TNFAIP2: variants seen among roughly 807,000 people sequenced by gnomAD.
The protein encoded by TNFAIP2 is TNF alpha induced protein 2, also known as tumor necrosis factor alpha-induced protein 2.
A neutral mutation model predicts 63.5 loss-of-function variants in TNFAIP2; 47 were observed. The observed-to-expected ratio is 0.74, with a 90% CI of 0.59 to 0.94. The LOEUF (loss-of-function observed/expected upper bound fraction) is 0.94, where lower values mean the gene tolerates loss of function less well. Ranked by LOEUF, TNFAIP2 falls within the 40% of genes least tolerant of loss-of-function variation. TNFAIP2 has a pLI of 0.00. For synonymous variants in TNFAIP2, 405 were observed against 390.2 expected, an observed-to-expected ratio of 1.04 and a Z score of -0.45; for missense variants, 787 against 850.2, an observed-to-expected ratio of 0.93 and a Z score of 0.92.
chr14:103,135,602 A>AG lies in TNFAIP2; in HGVS notation c.*244dup. 1.4e-6 allele frequency: 2 copies of AG among 1,398,926 alleles called. No homozygotes were observed. The highest frequency in any genetic ancestry group is 1.9e-6 in the Non-Finnish European group (2 of 1,077,254). 86.7% of individuals were successfully genotyped at this position (1,398,926 alleles called of 1,614,324 possible). On this transcript the variant is annotated 3_prime_UTR_variant, in exon 12 of 12. Coordinates refer to ENST00000560869, the MANE Select transcript of TNFAIP2 (RefSeq NM_006291.4). This position sits in a 1 kb window ranked among gnomAD's most constrained non-coding sequence, Gnocchi z 7.6. ...CTGGGCAGCCAACCAGGCAACACCA[A>AG]GGACTCTTTGTAAACGATAGCTGAT...
Position 103,135,478 on chromosome 14 carries a change from C to G in TNFAIP2, c.*118C>G. On this transcript the variant is annotated 3_prime_UTR_variant, in exon 12 of 12. Coordinates refer to ENST00000560869, the MANE Select transcript of TNFAIP2 (RefSeq NM_006291.4). The surrounding 1 kb of genome is among the most constrained non-coding windows in gnomAD (Gnocchi z 7.6). Reference sequence around the variant, plus strand: ...CTCCCGGGTCTCCTGTGCTCTGATGCTACTTCTGCCTAGCCCTGGCGGAGG... The same window carrying G: ...CTCCCGGGTCTCCTGTGCTCTGATGGTACTTCTGCCTAGCCCTGGCGGAGG... The G allele has an allele frequency of 6.7e-7, 1 of 1,503,458 alleles. No homozygotes were observed. Among genetic ancestry groups the G allele is most frequent in the Non-Finnish European group, 8.8e-7 (1 of 1,135,770 alleles). 93.1% of individuals were successfully genotyped at this position (1,503,458 alleles called of 1,614,324 possible). A position where few individuals can be genotyped will look rare whatever the true frequency, so the allele number is the denominator to read the frequency against.
At chr14:103,122,744 C>T (rs1203745407), upstream of TNFAIP2, 1 of 455,964 alleles carries the variant, frequency 2.2e-6, no homozygotes, top group Admixed American at 2.3e-5. Flanking sequence ...GCTCCGGCAG[C>T]CTGTGGGTCC....
At chr14:103,132,959 CA>C in intron 9 of TNFAIP2, 87 bp downstream of exon 9, 1 of 1,565,284 alleles carries the variant, frequency 6.4e-7, no homozygotes, top group East Asian at 2.3e-5. Flanking sequence ...TACACTCACG[CA>C]CATGTGCTCA....
chr14:103,127,790 G>T lies in TNFAIP2; in HGVS notation c.860+161G>T, dbSNP rs1234452615. On this transcript the variant is annotated intron_variant, in intron 3 of 11. Transcript: ENST00000560869. The surrounding 1 kb of genome is among the most constrained non-coding windows in gnomAD (Gnocchi z 5.1). ...AGGGGTGGGACTTGGACTCCCTGGG[G>T]CAGAGCCTGGACAGGCAGAGACTGG... 6.6e-6 allele frequency among the ~76,000 whole-genome samples: 1 copy of T among 152,192 alleles called. No individual in the cohort carries two copies. The highest frequency in any genetic ancestry group is 2.4e-5 in the African/African-American group (1 of 41,432).
rs2087787302 is a variant in TNFAIP2, at chr14:103,123,478, G to C, written c.-622G>C. The C allele has an allele frequency of 6.6e-6, 1 of 152,156 alleles. No homozygotes were observed. The highest frequency in any genetic ancestry group is 1.5e-5 in the Non-Finnish European group (1 of 68,042). The allele number at this position is 152,156 out of a possible 1,614,324, so 9.4% of individuals were successfully genotyped here. A position where few individuals can be genotyped will look rare whatever the true frequency, so the allele number is the denominator to read the frequency against. On this transcript the variant is annotated 5_prime_UTR_variant, in exon 1 of 12. Coordinates refer to ENST00000560869, the MANE Select transcript of TNFAIP2 (RefSeq NM_006291.4). ...GCCAGGACAGTGGCGGCCAGGCCGG[G>C]ACACGGTAAGTGACCTCCGCTTCCA...
Position 103,135,958 on chromosome 14 carries a change from G to C in TNFAIP2, c.*598G>C. 1 of 1,289,652 alleles carries C rather than the reference G, an allele frequency of 7.8e-7. No homozygotes were observed. Among genetic ancestry groups the C allele is most frequent in the Non-Finnish European group, 1.0e-6 (1 of 988,988 alleles). 79.9% of individuals were successfully genotyped at this position (1,289,652 alleles called of 1,614,324 possible). On this transcript the variant is annotated 3_prime_UTR_variant, in exon 12 of 12. Coordinates refer to ENST00000560869, the MANE Select transcript of TNFAIP2 (RefSeq NM_006291.4). The surrounding 1 kb of genome is among the most constrained non-coding windows in gnomAD (Gnocchi z 7.6). ...CCGCCAGCATTAGACGTCACATCCA[G>C]GTGGCCCCACGGCCCCTACAGGCTG...
At chr14:103,134,410 T>C (rs1483762463) in intron 11 of TNFAIP2, among the ~76,000 whole-genome samples, 1 of 152,086 alleles carries the variant, frequency 6.6e-6, no homozygotes, top group Non-Finnish European at 1.5e-5. Context: ...TTCACCCATC[T>C]GGCTATCCGT....
upstream of TNFAIP2, chr14:103,122,918 T>A (rs780935992): frequency 1.6e-5 from 7 of 429,964 alleles, no homozygotes; most frequent in Admixed American, 5.2e-5. Context: ...CAAGGCCCTG[T>A]GCACAGCCGC....
rs994591918 is a variant in TNFAIP2, at chr14:103,136,095, C to T, written c.*735C>T. On this transcript the variant is annotated 3_prime_UTR_variant, in exon 12 of 12. Transcript: ENST00000560869. ...CCGAAGGGCCCAAGACCTCCTGGGT[C>T]CTCTCAGGCTCCCCCTTCCCCAAGG... 1.8e-6 allele frequency: 2 copies of T among 1,099,224 alleles called. No individual in the cohort carries two copies. The highest frequency in any genetic ancestry group is 2.3e-6 in the Non-Finnish European group (2 of 856,824). 68.1% of individuals were successfully genotyped at this position (1,099,224 alleles called of 1,614,324 possible). A position where few individuals can be genotyped will look rare whatever the true frequency, so the allele number is the denominator to read the frequency against.
Position 103,135,564 on chromosome 14 carries a change from AG to A in TNFAIP2, c.*206del. ...GTTTGTTTACATGTCCGATGGGGGC[AG>A]GAGCTCCCATCCTGGGCAGCCAACC... On this transcript the variant is annotated 3_prime_UTR_variant, in exon 12 of 12. Coordinates refer to ENST00000560869, the MANE Select transcript of TNFAIP2 (RefSeq NM_006291.4). This position sits in a 1 kb window ranked among gnomAD's most constrained non-coding sequence, Gnocchi z 7.6. 1 of 1,428,394 alleles carries A rather than the reference AG, an allele frequency of 7.0e-7. No individual in the cohort carries two copies. The highest frequency in any genetic ancestry group is 9.1e-7 in the Non-Finnish European group (1 of 1,095,150). 88.5% of individuals were successfully genotyped at this position (1,428,394 alleles called of 1,614,324 possible).
Position 103,126,893 on chromosome 14 carries a change from T to C in TNFAIP2, c.236-112T>C, listed in dbSNP as rs2087865504. 2.1e-6 allele frequency: 3 copies of C among 1,398,522 alleles called. No homozygotes were observed. The East Asian group carries it at 7.7e-5, about 36-fold the overall frequency. 86.6% of individuals were successfully genotyped at this position (1,398,522 alleles called of 1,614,324 possible). ...GACACCGACATCACCCTTTAGGGTGTTGGCCGCCGGCCCTGTGCGCGTCTA... is the reference window on the plus strand; with the variant it reads ...GACACCGACATCACCCTTTAGGGTGCTGGCCGCCGGCCCTGTGCGCGTCTA... On this transcript the variant is annotated intron_variant, in intron 2 of 11. Coordinates refer to ENST00000560869, the MANE Select transcript of TNFAIP2 (RefSeq NM_006291.4).
At position 103,127,147 on chromosome 14, in the gene TNFAIP2, G is replaced by A. The variant is rs906600467; in HGVS notation, c.378G>A (p.Glu126=). ...TGGTGCGGCGCCAGAGCAAGGTGGA[G>A]GCGCTGTACGAGCTGCTGCGCGACC... ...EELVRRQSKV[E]ALYELLRDQV... The change falls in exon 3 of 12, where the codon GAG becomes GAA. Residue 126 remains glutamate, a synonymous_variant. Coordinates refer to ENST00000560869, the MANE Select transcript of TNFAIP2 (RefSeq NM_006291.4). This position sits in a 1 kb window ranked among gnomAD's most constrained non-coding sequence, Gnocchi z 5.1. 4 of 1,110,620 alleles carry A rather than the reference G, an allele frequency of 3.6e-6. No individual in the cohort carries two copies. The African/African-American group carries it at 6.8e-5, about 19-fold the overall frequency. 68.8% of individuals were successfully genotyped at this position (1,110,620 alleles called of 1,614,324 possible). A position where few individuals can be genotyped will look rare whatever the true frequency, so the allele number is the denominator to read the frequency against.
At chr14:103,122,045 G>A (rs62007496), upstream of TNFAIP2, among the ~76,000 whole-genome samples, 15,467 of 152,226 alleles carry the variant, frequency 0.1, 804 homozygotes, top group Middle Eastern at 0.13. Context: ...CGCGGTGCCG[G>A]TGGAAGGACC....
At position 103,126,517 on chromosome 14, in the gene TNFAIP2, T is replaced by C. The variant is rs762625516; in HGVS notation, c.60T>C (p.Tyr20=). 3.1e-6 allele frequency: 5 copies of C among 1,588,578 alleles called. No individual in the cohort carries two copies. The highest frequency in any genetic ancestry group is 4.3e-6 in the Non-Finnish European group (5 of 1,167,936). ...CCCTGGAGGCTGGGGCAGCCCCATA[T>C]AGGGAGGAGGAAGAGGCGGCGAAGA... ...VPPLEAGAAP[Y]REEEEAAKKK... is the part of the protein sequence containing the mutation. The change falls in exon 2 of 12, where the codon TAT becomes TAC. Residue 20 remains tyrosine (Y), a synonymous_variant. Coordinates refer to ENST00000560869, the MANE Select transcript of TNFAIP2 (RefSeq NM_006291.4).
chr14:103,130,279 G>C, intron 5 of TNFAIP2, 36 bp from the exon 6 acceptor site: 15 of 1,538,768 alleles, frequency 9.7e-6, no homozygotes, highest in Middle Eastern at 3.4e-4. Context: ...TTGTCCAGGC[G>C]AGCCCCTGCT....
chr14:103,126,706 C>A lies in TNFAIP2; in HGVS notation c.235+14C>A. ...CGCCCCCCACAGGTGCTCTAGGACC[C>A]TGGGTTAGAGCTAGTCTGGGGCCTG... On this transcript the variant is annotated intron_variant, in intron 2 of 11. Coordinates refer to ENST00000560869, the MANE Select transcript of TNFAIP2 (RefSeq NM_006291.4). The A allele has an allele frequency of 1.3e-6, 2 of 1,557,718 alleles. No individual in the cohort carries two copies. The highest frequency in any genetic ancestry group is 4.7e-5 in the East Asian group (2 of 42,670).
At position 103,131,613 on chromosome 14, in the gene TNFAIP2, G is replaced by A. The variant is rs1188889747; in HGVS notation, c.1299-26G>A. 1 of 1,574,506 alleles carries A rather than the reference G, an allele frequency of 6.4e-7. No individual in the cohort carries two copies. Among genetic ancestry groups the A allele is most frequent in the Non-Finnish European group, 8.6e-7 (1 of 1,166,398 alleles). On this transcript the variant is annotated intron_variant, in intron 7 of 11. Coordinates refer to ENST00000560869, the MANE Select transcript of TNFAIP2 (RefSeq NM_006291.4). The surrounding 1 kb of genome is among the most constrained non-coding windows in gnomAD (Gnocchi z 4.0). ...GGGCTATAGGCTGAGCAGGGCTGGGGTGACCTCTCTGCCTCCACCTTCCAG... is the reference window on the plus strand; with the variant it reads ...GGGCTATAGGCTGAGCAGGGCTGGGATGACCTCTCTGCCTCCACCTTCCAG...
chr14:103,126,258 G>T (rs972915485), intron 1 of TNFAIP2, 52 bp from the exon 2 acceptor site: 27 of 536,570 alleles, frequency 5.0e-5, no homozygotes, highest in Non-Finnish European at 8.7e-5. Flanking sequence ...TCCAGCCTGG[G>T]AGCCAGGGCC....
In TNFAIP2 at chr14:103,127,966, C is replaced by A. The variant is rs1474145331; in HGVS notation, c.860+337C>A. Reference sequence around the variant, plus strand: ...ACGAGCGCCCAGTCTGAGGAGGGGGCAAAGCAATCAATAACCATCCAGAGC... The same window carrying A: ...ACGAGCGCCCAGTCTGAGGAGGGGGAAAAGCAATCAATAACCATCCAGAGC... On this transcript the variant is annotated intron_variant, in intron 3 of 11. Transcript: ENST00000560869. The surrounding 1 kb of genome is among the most constrained non-coding windows in gnomAD (Gnocchi z 5.1). Among the ~76,000 whole-genome samples the A allele has an allele frequency of 6.6e-6, 1 of 152,106 alleles. No homozygotes were observed. Among genetic ancestry groups the A allele is most frequent in the Non-Finnish European group, 1.5e-5 (1 of 67,996 alleles).
Sources: allele counts gnomAD v4.1 joint callset (sites outside exome capture counted in the v4.1 genomes callset), GRCh38; gene constraint gnomAD v4.1.1; non-coding constraint Gnocchi (gnomAD v3.1); transcripts MANE v1.5; gene names NCBI Gene and HGNC (gene_info 2026-07-23, HGNC 2026-07-21).